The following KIF21B variants were observed in gnomAD, a reference collection of about 807,000 sequenced individuals.
The protein encoded by KIF21B is kinesin-like protein KIF21B.
KIF21B carries 85 observed loss-of-function variants against 192.9 expected under a neutral mutation model. The ratio of observed to expected loss-of-function variants is 0.44; its 90% CI spans 0.37 to 0.53. The LOEUF is 0.53. Ranked by LOEUF, KIF21B falls within the 20% of genes least tolerant of loss-of-function variation. KIF21B has a pLI of 0.00. For synonymous variants in KIF21B, 832 were observed against 884.6 expected, an observed-to-expected ratio of 0.94 and a Z score of 1.05; for missense variants, 1,716 against 2,194.8, an observed-to-expected ratio of 0.78 and a Z score of 4.36.
intron 27 of KIF21B, among the ~76,000 whole-genome samples, chr1:200,983,408 T>C (rs1325469609): frequency 2.0e-5 from 3 of 152,094 alleles, no homozygotes; most frequent in Non-Finnish European, 4.4e-5. Context: ...GGCTGTTTGC[T>C]GGTTCCAAGC....
At chr1:201,006,746 C>G (rs1235778431) in intron 3 of KIF21B, among the ~76,000 whole-genome samples, 1 of 151,600 alleles carries the variant, frequency 6.6e-6, no homozygotes, top group African/African-American at 2.4e-5. Context: ...GAGAGAGAAG[C>G]TTATTGAGAT....
Position 201,003,623 on chromosome 1 carries a change from A to G in KIF21B, c.1175T>C (p.Ile392Thr). Residue 392 changes from isoleucine to threonine, a missense_variant, in exon 8 of 35, where the codon ATT becomes ACT. Coordinates refer to ENST00000461742, the MANE Select transcript of KIF21B (RefSeq NM_001252102.2). The part of the protein sequence containing the change: ...SQQISALRAE[I>T]ARLQMELMEY... Reference sequence around the variant, plus strand: ...CATCAGCTCCATCTGCAGCCGAGCAATCTCAGCCCGCAGTGCACTGATTTG... The same window carrying G: ...CATCAGCTCCATCTGCAGCCGAGCAGTCTCAGCCCGCAGTGCACTGATTTG... The G allele has an allele frequency of 6.2e-7, 1 of 1,614,132 alleles. No homozygotes were observed. The highest frequency in any genetic ancestry group is 2.2e-5 in the East Asian group (1 of 44,880).
At chr1:200,997,190 C>T (rs117765234) in intron 14 of KIF21B, among the ~76,000 whole-genome samples, 96 of 152,300 alleles carry the variant, frequency 6.3e-4, no homozygotes, top group African/African-American at 2.0e-3. Flanking sequence ...TCTCTTGAAA[C>T]TCCACACATC....
rs1657287899 is a variant in KIF21B, at chr1:200,999,119, G to T, written c.1885+230C>A. Among the ~76,000 whole-genome samples the T allele has an allele frequency of 6.6e-6, 1 of 152,146 alleles. No individual in the cohort carries two copies. The highest frequency in any genetic ancestry group is 1.5e-5 in the Non-Finnish European group (1 of 68,014). On this transcript the variant is annotated intron_variant, in intron 13 of 34. Transcript: ENST00000461742. The surrounding 1 kb of genome is among the most constrained non-coding windows in gnomAD (Gnocchi z 4.7). ...TATGCATACAGTTGCAGTGAAGACT[G>T]AAAGAACCTAGCCGCTCAAAGGGTT... is the stretch of plus-strand genomic sequence containing the variant.
intron 1 of KIF21B, among the ~76,000 whole-genome samples, chr1:201,016,671 G>A (rs1436279278): frequency 6.6e-6 from 1 of 152,170 alleles, no homozygotes; most frequent in African/African-American, 2.4e-5. Flanking sequence ...TAGCTGCAGG[G>A]GTAAGGTGTG....
intron 34 of KIF21B, 176 bp from the exon 35 acceptor site, chr1:200,973,754 T>C (rs1344819521): frequency 6.8e-7 from 1 of 1,461,664 alleles, no homozygotes; most frequent in Non-Finnish European, 8.9e-7. Flanking sequence ...GCTGGGCAGA[T>C]GGAGAGGCCT....
chr1:201,008,973 G>A (rs774118109), intron 2 of KIF21B, 22 bp from the exon 3 acceptor site: 1 of 1,596,606 alleles, frequency 6.3e-7, no homozygotes, highest in South Asian at 1.1e-5. Flanking sequence ...AAGATAGGAG[G>A]GTGTAACCCT....
Position 200,990,937 on chromosome 1 carries a change from G to A in KIF21B, c.2667C>T (p.Val889=). The change falls in exon 18 of 35, where the codon GTC becomes GTT. Residue 889 remains valine, a synonymous_variant. Transcript: ENST00000461742. This position sits in a 1 kb window ranked among gnomAD's most constrained non-coding sequence, Gnocchi z 5.4. ...HFLGDHPAPT[V]NGTRPARKKF... ...CTTACCGGGCAGGACGGGTGCCATTGACAGTGGGCGCAGGATGGTCCCCCA... is the reference window on the plus strand; with the variant it reads ...CTTACCGGGCAGGACGGGTGCCATTAACAGTGGGCGCAGGATGGTCCCCCA... The A allele has an allele frequency of 6.2e-7, 1 of 1,614,150 alleles. No individual in the cohort carries two copies. The highest frequency in any genetic ancestry group is 1.1e-5 in the South Asian group (1 of 91,082).
At chr1:200,993,667 T>C (rs10920084) in intron 15 of KIF21B, among the ~76,000 whole-genome samples, 2 of 151,530 alleles carry the variant, frequency 1.3e-5, no homozygotes, top group East Asian at 3.9e-4. Context: ...GGAGGATTAC[T>C]TAAGCCCAGG....
At position 200,977,339 on chromosome 1, in the gene KIF21B, C is replaced by T. The variant is rs762033039; in HGVS notation, c.4198G>A (p.Ala1400Thr). ...GQVISGDACA[A>T]TSTRAITSAQ... Reference sequence around the variant, plus strand: ...CTGGTGATGGCACGGGTGGATGTGGCGGCACAGGCATCCCCTGAGATCACC... The same window carrying T: ...CTGGTGATGGCACGGGTGGATGTGGTGGCACAGGCATCCCCTGAGATCACC... Residue 1400 changes from alanine to threonine, a missense_variant, in exon 31 of 35, where the codon GCC (alanine) becomes ACC (threonine). By Grantham distance (58) the Ala-to-Thr change is moderately conservative (BLOSUM62 0). Around this residue, in one of 3 missense-constraint regions of KIF21B, gnomAD observed 580 missense variants for 775.5 expected, o/e 0.75. Transcript: ENST00000461742. The T allele has an allele frequency of 1.4e-5, 23 of 1,614,090 alleles. No homozygotes were observed. Among genetic ancestry groups the T allele is most frequent in the East Asian group, 4.5e-5 (2 of 44,888 alleles).
intron 21 of KIF21B, 33 bp from the exon 22 acceptor site, chr1:200,988,964 C>T (rs1656495620): frequency 1.3e-6 from 2 of 1,581,772 alleles, no homozygotes; most frequent in Non-Finnish European, 1.7e-6. Context: ...GGAGTTACCC[C>T]TCCTGGGGGT....
Position 200,999,506 on chromosome 1 carries a change from G to A in KIF21B, c.1768-40C>T. 3 of 1,602,630 alleles carry A rather than the reference G, an allele frequency of 1.9e-6. No individual in the cohort carries two copies. The highest frequency in any genetic ancestry group is 2.6e-6 in the Non-Finnish European group (3 of 1,173,770). On this transcript the variant is annotated intron_variant, in intron 12 of 34. Transcript: ENST00000461742. This position sits in a 1 kb window ranked among gnomAD's most constrained non-coding sequence, Gnocchi z 4.7. ...CCATTGGGGTGGGCCTGGCCTCAGAGAGGGGAGCCCAGAAGCAGAGGTGCA... is the reference window on the plus strand; with the variant it reads ...CCATTGGGGTGGGCCTGGCCTCAGAAAGGGGAGCCCAGAAGCAGAGGTGCA...
Position 200,988,532 on chromosome 1 carries a change from G to A in KIF21B, c.3311C>T (p.Ala1104Val), listed in dbSNP as rs758596457. The A allele has an allele frequency of 6.7e-7, 1 of 1,490,232 alleles. No individual in the cohort carries two copies. The highest frequency in any genetic ancestry group is 1.8e-5 in the Admixed American group (1 of 55,914). The allele number at this position is 1,490,232 out of a possible 1,614,324, so 92.3% of individuals were successfully genotyped here. ...IYNVQQENGY[A>V]STDEEISEFS... ...CTCTGAGATCTCCTCATCTGTGCTG[G>A]CGTAGCCATTCTCTGTGGGAGGGCG... is the stretch of plus-strand genomic sequence containing the variant. Residue 1104 changes from alanine to valine, a missense_variant, in exon 23 of 35, where the codon GCC (alanine) becomes GTC (valine). By Grantham distance (64) the Ala-to-Val change is moderately conservative. Transcript: ENST00000461742.
chr1:200,992,524 G>T (rs2102416058), intron 15 of KIF21B, 135 bp from the exon 16 acceptor site: 1 of 882,316 alleles, frequency 1.1e-6, no homozygotes, highest in Non-Finnish European at 1.8e-6. Flanking sequence ...AGGGCCTGGG[G>T]GTCTGAAGTG....
At chr1:201,001,936 C>T in intron 9 of KIF21B, 4 of 575,158 alleles carry the variant, frequency 7.0e-6, no homozygotes, top group Non-Finnish European at 1.2e-5. Flanking sequence ...TAATCTTTCA[C>T]TTCATATAGT....
rs766937251 is a variant in KIF21B, at chr1:201,004,800, C to T, written c.866G>A (p.Arg289Gln). Reference sequence around the variant, plus strand: ...GTTGATGGAGATGCCCTCCTTGGCCCGCTCGCCAGTAGCCCCTGTCCGCTT... The same window carrying T: ...GTTGATGGAGATGCCCTCCTTGGCCTGCTCGCCAGTAGCCCCTGTCCGCTT... Reference protein sequence around the residue: ...RLKRTGATGERAKEGISINCG... With the variant: ...RLKRTGATGEQAKEGISINCG... Residue 289 changes from arginine (R) to glutamine (Q), a missense_variant, in exon 6 of 35, where the codon CGG (arginine) becomes CAG (glutamine). By Grantham distance (43) the Arg-to-Gln change is conservative. This residue lies in a region of KIF21B where 1,087 missense variants were observed against 1,316.6 expected (regional missense o/e 0.83). Transcript: ENST00000461742. The T allele has an allele frequency of 5.0e-6, 8 of 1,613,920 alleles. No individual in the cohort carries two copies. Among genetic ancestry groups the T allele is most frequent in the Admixed American group, 1.7e-5 (1 of 59,998 alleles).
At position 200,998,562 on chromosome 1, in the gene KIF21B, C is replaced by T. The variant is rs1349264811; in HGVS notation, c.1899G>A (p.Gln633=). The change falls in exon 14 of 35, where the codon CAG becomes CAA. Residue 633 remains glutamine (Q), a synonymous_variant. Transcript: ENST00000461742. This position sits in a 1 kb window ranked among gnomAD's most constrained non-coding sequence, Gnocchi z 4.3. ...CACAAGTCAGGTCGGCCAGGTCCGC[C>T]TGGAAGTTCACCTCTATGGGGGCAC... ...SDPEEKEVNF[Q]ADLADLTCEI... is the part of the protein sequence containing the mutation. The T allele has an allele frequency of 1.2e-6, 2 of 1,613,540 alleles. No homozygotes were observed. Among genetic ancestry groups the T allele is most frequent in the East Asian group, 4.5e-5 (2 of 44,864 alleles).
At chr1:200,983,004 G>T in intron 28 of KIF21B, 52 bp downstream of exon 28, 1 of 1,487,554 alleles carries the variant, frequency 6.7e-7, no homozygotes, top group African/African-American at 1.4e-5. Context: ...GAGAAGAGAG[G>T]GTGCCGAGAG....
chr1:201,016,092 A>G (rs1301121002), intron 1 of KIF21B, among the ~76,000 whole-genome samples: 1 of 152,228 alleles, frequency 6.6e-6, no homozygotes, highest in African/African-American at 2.4e-5. Context: ...CCATGTTACT[A>G]AGGCTCAGCA....
Sources: gnomAD v4.1 joint callset for allele counts (sites outside exome capture counted in the v4.1 genomes callset) on GRCh38, gnomAD v4.1.1 for gene constraint, gnomAD v4.1.1 regional missense constraint, Gnocchi (gnomAD v3.1) non-coding constraint, MANE v1.5 for transcripts, NCBI Gene and HGNC (gene_info 2026-07-23, HGNC 2026-07-21) for gene names.